KLHL2: variants seen among roughly 807,000 people sequenced by gnomAD.
The protein encoded by KLHL2 is kelch like family member 2.
KLHL2 carries 15 observed loss-of-function variants against 75.8 expected under a neutral mutation model. That is an observed-to-expected ratio of 0.20 (90% confidence interval 0.13 to 0.30). KLHL2 has a LOEUF of 0.30. KLHL2 is among the 10% of genes least tolerant of loss of function. KLHL2 has a pLI of 1.00. For synonymous variants in KLHL2, 214 were observed against 251.9 expected (o/e 0.85, Z 1.42); for missense variants, 381 against 741.0 (o/e 0.51, Z 5.64).
At chr4:165,221,807 T>C (rs1318762793) in intron 2 of KLHL2, among the ~76,000 whole-genome samples, 1 of 152,212 alleles carries the variant, frequency 6.6e-6, no homozygotes, top group Non-Finnish European at 1.5e-5. Context: ...GGAGAATATA[T>C]AACTGGGATA....
intron 9 of KLHL2, among the ~76,000 whole-genome samples, 164 bp from the exon 10 acceptor site, chr4:165,310,389 G>T (rs1234021825): frequency 1.3e-5 from 2 of 152,160 alleles, no homozygotes; most frequent in Admixed American, 1.3e-4. Context: ...TTAGTGATTG[G>T]ATGTTCTTGC....
chr4:165,267,953 G>C (rs578150241), intron 5 of KLHL2, among the ~76,000 whole-genome samples: 31 of 152,112 alleles, frequency 2.0e-4, no homozygotes, highest in Admixed American at 5.9e-4. Flanking sequence ...GACTTTTTTT[G>C]GTTAATAGGC....
At chr4:165,253,100 C>T (rs1412981004) in intron 4 of KLHL2, among the ~76,000 whole-genome samples, 3 of 152,106 alleles carry the variant, frequency 2.0e-5, no homozygotes, top group South Asian at 2.1e-4. Context: ...GGTGCGATCT[C>T]GGCTCACTGC....
At chr4:165,313,707 C>T (rs1041178898) in intron 12 of KLHL2, among the ~76,000 whole-genome samples, 3 of 151,900 alleles carry the variant, frequency 2.0e-5, no homozygotes, top group African/African-American at 2.4e-5. Context: ...CTTTAATATG[C>T]GGTTATTTTA....
At chr4:165,321,929 C>T (rs1321966347) in intron 14 of KLHL2, 103 bp from the exon 15 acceptor site, 1 of 977,376 alleles carries the variant, frequency 1.0e-6, no homozygotes, top group Non-Finnish European at 1.6e-6. Flanking sequence ...ATGATTTGTA[C>T]AGTTCCTCCT....
chr4:165,245,898 A>G (rs1418659738), intron 4 of KLHL2, among the ~76,000 whole-genome samples: 2 of 151,904 alleles, frequency 1.3e-5, no homozygotes, highest in South Asian at 2.1e-4. Context: ...GATGAATTTC[A>G]TCTTTCAATC....
chr4:165,233,030 G>A (rs925791699), intron 3 of KLHL2, among the ~76,000 whole-genome samples: 13 of 151,718 alleles, frequency 8.6e-5, no homozygotes, highest in African/African-American at 2.4e-4. Flanking sequence ...GTTTTCCTGT[G>A]ACTAACCTAT....
Position 165,322,821 on chromosome 4 carries a change from CTTA to C in KLHL2, c.*764_*766del, listed in dbSNP as rs1560840851. The C allele has an allele frequency of 6.6e-6, 1 of 152,442 alleles. No individual in the cohort carries two copies. Among genetic ancestry groups the C allele is most frequent in the Non-Finnish European group, 1.5e-5 (1 of 68,004 alleles). 9.4% of individuals were successfully genotyped at this position (152,442 alleles called of 1,614,324 possible). ...TTTTTAAAATACAATATAAATTATG[CTTA>C]TTTATTATTTTCTTTAGTTTAATCT... On this transcript the variant is annotated 3_prime_UTR_variant, in exon 15 of 15. Transcript: ENST00000226725.
intron 7 of KLHL2, among the ~76,000 whole-genome samples, chr4:165,298,787 A>G (rs1227676781): frequency 1.3e-5 from 2 of 152,108 alleles, no homozygotes; most frequent in Non-Finnish European, 2.9e-5. Flanking sequence ...AATACAAAAA[A>G]TTAGCCAGAC....
At chr4:165,215,089 A>G (rs918901297) in intron 1 of KLHL2, among the ~76,000 whole-genome samples, 1 of 152,208 alleles carries the variant, frequency 6.6e-6, no homozygotes, top group African/African-American at 2.4e-5. Flanking sequence ...AGATTAGTCT[A>G]CTGTTTCCAT....
intron 5 of KLHL2, among the ~76,000 whole-genome samples, chr4:165,268,332 A>G (rs989691051): frequency 1.3e-5 from 2 of 151,518 alleles, no homozygotes; most frequent in Non-Finnish European, 2.9e-5. Flanking sequence ...CTCTGATCTT[A>G]GTTATTTCTT....
At chr4:165,312,202 G>C (rs1271105421) in intron 11 of KLHL2, among the ~76,000 whole-genome samples, 3 of 152,114 alleles carry the variant, frequency 2.0e-5, no homozygotes, top group Non-Finnish European at 4.4e-5. Context: ...GTTCCTAACA[G>C]GTTCCAGACA....
chr4:165,303,569 T>A (rs1745504886), intron 8 of KLHL2, among the ~76,000 whole-genome samples: 1 of 151,904 alleles, frequency 6.6e-6, no homozygotes. Context: ...TTATTTTATT[T>A]ATTTATTTTT....
chr4:165,261,614 C>T (rs1313416522), intron 4 of KLHL2, among the ~76,000 whole-genome samples: 3 of 152,214 alleles, frequency 2.0e-5, no homozygotes, highest in Admixed American at 1.3e-4. Flanking sequence ...GCTGGGATTA[C>T]AGGCGTGAGC....
chr4:165,308,381 A>G (rs1327694962), intron 9 of KLHL2, among the ~76,000 whole-genome samples: 1 of 152,216 alleles, frequency 6.6e-6, no homozygotes, highest in Non-Finnish European at 1.5e-5. Flanking sequence ...GTAACTATGA[A>G]TAAATTTTAT....
chr4:165,208,155 T>C (rs1206957489), intron 1 of KLHL2, among the ~76,000 whole-genome samples: 1 of 151,908 alleles, frequency 6.6e-6, no homozygotes, highest in African/African-American at 2.4e-5. Context: ...GGATAGAAGA[T>C]TCGGGGTGGG....
chr4:165,218,624 C>G (rs547602171), intron 1 of KLHL2, among the ~76,000 whole-genome samples: 28 of 152,294 alleles, frequency 1.8e-4, no homozygotes, highest in African/African-American at 6.0e-4. Context: ...CCTTTCCCCC[C>G]ACCAGACTCC....
chr4:165,270,168 A>C (rs1047915141), intron 5 of KLHL2, among the ~76,000 whole-genome samples: 6 of 152,156 alleles, frequency 3.9e-5, no homozygotes, highest in Non-Finnish European at 7.4e-5. Flanking sequence ...TTTCAGCTCC[A>C]TCAGGTCATT....
In KLHL2 at chr4:165,232,199, G is replaced by A. The variant is rs182655297; in HGVS notation, c.259+3286G>A. On this transcript the variant is annotated intron_variant, in intron 3 of 14. Transcript: ENST00000226725. ...GCCACTTTGGGAAGCTGAGGCAGGT[G>A]GATCACGAGGTCAGGAGATTGAGAC... Among the ~76,000 whole-genome samples, 195 of 152,074 alleles carry A rather than the reference G, an allele frequency of 1.3e-3. 2 individuals carry two copies. Among genetic ancestry groups the A allele is most frequent in the African/African-American group, 4.3e-3 (180 of 41,460 alleles).
Sources: gnomAD v4.1 joint callset for allele counts (sites outside exome capture counted in the v4.1 genomes callset) on GRCh38, gnomAD v4.1.1 for gene constraint, MANE v1.5 for transcripts, NCBI Gene and HGNC (gene_info 2026-07-23, HGNC 2026-07-21) for gene names.